The following TECPR2 variants were observed in gnomAD, a reference collection of about 807,000 sequenced individuals.
TECPR2 encodes the protein tectonin beta-propeller repeat containing 2.
A neutral mutation model predicts 138.1 loss-of-function variants in TECPR2; 65 were observed. The observed-to-expected ratio is 0.47, with a 90% CI of 0.39 to 0.58. TECPR2 has a LOEUF of 0.58. Ranked by LOEUF, TECPR2 falls within the 20% of genes least tolerant of loss-of-function variation. The probability of loss-of-function intolerance (pLI) is 0.00; values close to 1 mark genes in which losing one functional copy is unlikely to be tolerated. For synonymous variants in TECPR2, 746 were observed against 749.8 expected (o/e 0.99, Z 0.08); for missense variants, 1,553 against 1,824.5 (o/e 0.85, Z 2.71).
intron 17 of TECPR2, among the ~76,000 whole-genome samples, chr14:102,491,786 G>A (rs1391818324): frequency 3.3e-5 from 5 of 152,294 alleles, no homozygotes; most frequent in African/African-American, 9.6e-5. Context: ...TCTCTGTTAC[G>A]CAGTATGGCA....
intron 5 of TECPR2, among the ~76,000 whole-genome samples, chr14:102,418,911 A>G (rs1285371947): frequency 6.6e-6 from 1 of 152,084 alleles, no homozygotes; most frequent in South Asian, 2.1e-4. Context: ...GGGTGAGTGG[A>G]CATGCTGTGG....
intron 17 of TECPR2, among the ~76,000 whole-genome samples, chr14:102,480,624 A>G (rs1218009286): frequency 6.6e-6 from 1 of 151,958 alleles, no homozygotes; most frequent in Non-Finnish European, 1.5e-5. Context: ...GGCTCAAACA[A>G]TACTCCTGCC....
In TECPR2 at chr14:102,449,626, C is replaced by T. The variant is rs1308381020; in HGVS notation, c.3076-3C>T. ...AGGGCTTTTGCTTGTCTCCTCCTTC[C>T]AGGTGAGCATCACGGACTATGTGGT... is the stretch of plus-strand genomic sequence containing the variant. On this transcript the variant is annotated splice_region_variant and splice_polypyrimidine_tract_variant and intron_variant, in intron 13 of 19. Transcript: ENST00000359520. The T allele has an allele frequency of 6.2e-7, 1 of 1,613,732 alleles. No individual in the cohort carries two copies. The highest frequency in any genetic ancestry group is 2.2e-5 in the East Asian group (1 of 44,880).
chr14:102,494,455 A>C (rs1891229255), intron 17 of TECPR2, among the ~76,000 whole-genome samples: 1 of 151,922 alleles, frequency 6.6e-6, no homozygotes, highest in Admixed American at 6.6e-5. Context: ...AGGCAGGAGA[A>C]TCCCTTGAAA....
intron 17 of TECPR2, among the ~76,000 whole-genome samples, chr14:102,490,795 G>A (rs1162638488): frequency 6.6e-6 from 1 of 152,196 alleles, no homozygotes; most frequent in Non-Finnish European, 1.5e-5. Context: ...TCCGGAACGG[G>A]GTTCTTGTTC....
rs564939445 is a variant in TECPR2, at chr14:102,434,390, G to T, written c.1573G>T (p.Asp525Tyr). The T allele has an allele frequency of 2.0e-6, 3 of 1,530,644 alleles. No individual in the cohort carries two copies. The East Asian group carries it at 6.8e-5, about 35-fold the overall frequency. 94.8% of individuals were successfully genotyped at this position (1,530,644 alleles called of 1,614,324 possible). ...GGATCAGTTAAGTGCAGAGTCTCCA[G>T]ACCAGGAAAGCAGCTTCAATGGTGA... ...SVDQLSAESPDQESSFNGEVN... is the reference protein window; with the variant it reads ...SVDQLSAESPYQESSFNGEVN... The change falls in exon 9 of 20, where the codon GAC becomes TAC. Residue 525 changes from aspartate to tyrosine, a missense_variant. Transcript: ENST00000359520.
chr14:102,373,955 C>G (rs1339172533), intron 1 of TECPR2, among the ~76,000 whole-genome samples: 1 of 151,788 alleles, frequency 6.6e-6, no homozygotes, highest in Non-Finnish European at 1.5e-5. Flanking sequence ...GTGGCACACG[C>G]CTGTAGTCCC....
Position 102,381,946 on chromosome 14 carries a change from C to T in TECPR2, c.219+5006C>T, listed in dbSNP as rs571544279. 2.6e-5 allele frequency among the ~76,000 whole-genome samples: 4 copies of T among 152,288 alleles called. No homozygotes were observed. In the East Asian group the frequency reaches 7.7e-4, roughly 29 times the overall value. On this transcript the variant is annotated intron_variant, in intron 2 of 19. Transcript: ENST00000359520. ...GTAAGGGAGAGTAAGGTATCCTATA[C>T]ATTTGTACATTCTTCTTGAAGAGGT...
intron 17 of TECPR2, among the ~76,000 whole-genome samples, chr14:102,478,509 C>T (rs1890817048): frequency 6.6e-6 from 1 of 151,470 alleles, no homozygotes; most frequent in Admixed American, 6.6e-5. Context: ...TGTGAAATCC[C>T]ATCTCTATGA....
chr14:102,470,155 T>C (rs1454826911), intron 17 of TECPR2, among the ~76,000 whole-genome samples: 1 of 152,216 alleles, frequency 6.6e-6, no homozygotes. Context: ...TGGAAGAGTT[T>C]TTGAAAGATT....
Position 102,408,351 on chromosome 14 carries a change from G to C in TECPR2, c.349-137G>C, listed in dbSNP as rs114256575. On this transcript the variant is annotated intron_variant, in intron 3 of 19. Coordinates refer to ENST00000359520, the MANE Select transcript of TECPR2 (RefSeq NM_014844.5). Reference sequence around the variant, plus strand: ...ACTAGACAGATGGAACTTTGTGCAGGGTTCTGCTTGGAAAACGAGATTGGG... The same window carrying C: ...ACTAGACAGATGGAACTTTGTGCAGCGTTCTGCTTGGAAAACGAGATTGGG... The C allele has an allele frequency of 2.1e-4, 192 of 894,860 alleles. 2 individuals carry two copies. In the African/African-American group the frequency reaches 2.9e-3, roughly 14 times the overall value. 55.4% of individuals were successfully genotyped at this position (894,860 alleles called of 1,614,324 possible).
At position 102,487,633 on chromosome 14, in the gene TECPR2, C is replaced by A. The variant is rs554786744; in HGVS notation, c.3790-9346C>A. Reference sequence around the variant, plus strand: ...CTGGGCTCACTGCAAGCTCCGCCTCCCAGGTTCACACCATTCTCCTGCCTC... The same window carrying A: ...CTGGGCTCACTGCAAGCTCCGCCTCACAGGTTCACACCATTCTCCTGCCTC... On this transcript the variant is annotated intron_variant, in intron 17 of 19. Transcript: ENST00000359520. Among the ~76,000 whole-genome samples, 7 of 152,326 alleles carry A rather than the reference C, an allele frequency of 4.6e-5. No individual in the cohort carries two copies. The East Asian group carries it at 1.2e-3, about 25-fold the overall frequency.
rs770459083 is a variant in TECPR2, at chr14:102,465,221, G to T, written c.3721G>T (p.Val1241Leu). ...CDSRGGVYFRVGTQPLNPSLM... is the reference protein window; with the variant it reads ...CDSRGGVYFRLGTQPLNPSLM... The stretch of plus-strand genomic sequence containing the variant: ...TTCCAGGGGTGGAGTTTACTTCCGT[G>T]TAGGGACTCAGCCTCTCAATCCCAG... The change falls in exon 17 of 20, where the codon GTA (valine) becomes TTA (leucine). Residue 1241 changes from valine (V) to leucine (L), a missense_variant. Coordinates refer to ENST00000359520, the MANE Select transcript of TECPR2 (RefSeq NM_014844.5). The T allele has an allele frequency of 6.2e-7, 1 of 1,614,210 alleles. No individual in the cohort carries two copies. Among genetic ancestry groups the T allele is most frequent in the Non-Finnish European group, 8.5e-7 (1 of 1,180,034 alleles).
chr14:102,499,195 G>C lies in TECPR2; in HGVS notation c.*938G>C. 1.4e-6 allele frequency: 1 copy of C among 700,648 alleles called. No individual in the cohort carries two copies. Among genetic ancestry groups the C allele is most frequent in the South Asian group, 1.5e-5 (1 of 67,546 alleles). The allele number at this position is 700,648 out of a possible 1,614,324, so 43.4% of individuals were successfully genotyped here. On this transcript the variant is annotated 3_prime_UTR_variant, in exon 20 of 20. Coordinates refer to ENST00000359520, the MANE Select transcript of TECPR2 (RefSeq NM_014844.5). ...GGGACGGCACAGGAGGGTGCATGGG[G>C]CGTGGGGGAGCTGAGCAAGGGTCGC...
intron 16 of TECPR2, among the ~76,000 whole-genome samples, chr14:102,462,382 A>G (rs1890429606): frequency 6.6e-6 from 1 of 152,246 alleles, no homozygotes; most frequent in Non-Finnish European, 1.5e-5. Flanking sequence ...CATTCTGTAC[A>G]AGATCAAGGA....
intron 2 of TECPR2, among the ~76,000 whole-genome samples, chr14:102,399,863 AGAAAT>A (rs2139684242): frequency 6.6e-6 from 1 of 151,984 alleles, no homozygotes; most frequent in South Asian, 2.1e-4. Context: ...AAAAAGAAAA[AGAAAT>A]GAAGATCTCA....
At chr14:102,469,450 G>C (rs569131313) in intron 17 of TECPR2, among the ~76,000 whole-genome samples, 1 of 152,204 alleles carries the variant, frequency 6.6e-6, no homozygotes, top group African/African-American at 2.4e-5. Context: ...GGGTCTAACA[G>C]GTTTTTGTAG....
chr14:102,367,514 T>C (rs1887376387), intron 1 of TECPR2, among the ~76,000 whole-genome samples: 1 of 152,200 alleles, frequency 6.6e-6, no homozygotes, highest in African/African-American at 2.4e-5. Flanking sequence ...TATATGGTGT[T>C]TTGTGCCTGG....
At chr14:102,379,603 G>A (rs541128237) in intron 2 of TECPR2, among the ~76,000 whole-genome samples, 45 of 105,248 alleles carry the variant, frequency 4.3e-4, no homozygotes, top group African/African-American at 7.0e-4. Flanking sequence ...GAAGATCACA[G>A]TCTTAAAATC....
Sources: allele counts gnomAD v4.1 joint callset (sites outside exome capture counted in the v4.1 genomes callset), GRCh38; gene constraint gnomAD v4.1.1; transcripts MANE v1.5; gene names NCBI Gene and HGNC (gene_info 2026-07-23, HGNC 2026-07-21).